CHST9: variants seen among roughly 807,000 people sequenced by gnomAD.
CHST9 encodes carbohydrate sulfotransferase 9, also known as GalNAc-4-sulfotransferase 2.
A neutral mutation model predicts 44.4 loss-of-function variants in CHST9; 41 were observed. The ratio of observed to expected loss-of-function variants is 0.92; its 90% CI spans 0.72 to 1.20. The LOEUF is 1.20. Ranked by LOEUF, CHST9 falls within the 50% of genes most tolerant of loss-of-function variation. CHST9 has a pLI of 0.00. For synonymous variants in CHST9, 171 were observed against 178.4 expected, an observed-to-expected ratio of 0.96 and a Z score of 0.33; for missense variants, 504 against 516.5, an observed-to-expected ratio of 0.98 and a Z score of 0.23.
chr18:26,992,620 CT>C (rs796715944), intron 4 of CHST9, among the ~76,000 whole-genome samples: 319 of 142,598 alleles, frequency 2.2e-3, no homozygotes, highest in East Asian at 4.5e-3. Context: ...GAAATTCTTT[CT>C]TTTTTTTTTT....
At position 26,917,211 on chromosome 18, in the gene CHST9, G is replaced by A. The variant is rs1456370012; in HGVS notation, c.380C>T (p.Ser127Leu). ...TTTTTCAATCAACTTCTCTGTTGGT[G>A]ACCCTGTGGACTTACTTAAAGCTTG... is the stretch of plus-strand genomic sequence containing the variant. ...GDQALSKSTG[S>L]PTEKLIEKRQ... The change falls in exon 6 of 6, where the codon TCA (serine) becomes TTA (leucine). Residue 127 changes from serine (S) to leucine (L), a missense_variant. Transcript: ENST00000618847. 6.2e-7 allele frequency: 1 copy of A among 1,613,864 alleles called. No individual in the cohort carries two copies.
chr18:27,067,722 T>C (rs1568158848), intron 2 of CHST9, among the ~76,000 whole-genome samples: 1 of 152,100 alleles, frequency 6.6e-6, no homozygotes, highest in Non-Finnish European at 1.5e-5. Context: ...TTAAACCTAA[T>C]ATATTGAGAT....
Position 27,107,179 on chromosome 18 carries a change from A to T in CHST9, c.121+35510T>A, listed in dbSNP as rs115880415. Among the ~76,000 whole-genome samples the T allele has an allele frequency of 6.1e-3, 934 of 152,332 alleles. 12 individuals are homozygous for T. Among genetic ancestry groups the T allele is most frequent in the African/African-American group, 0.021 (882 of 41,576 alleles). On this transcript the variant is annotated intron_variant, in intron 2 of 5. Coordinates refer to ENST00000618847, the MANE Select transcript of CHST9 (RefSeq NM_031422.6). ...AAAGGTAAATAGTGACTATACGTCA[A>T]ATTGTTATTAAATACTCACCTATAG...
intron 2 of CHST9, among the ~76,000 whole-genome samples, chr18:27,071,325 G>A (rs1190840179): frequency 6.6e-6 from 1 of 152,104 alleles, no homozygotes; most frequent in South Asian, 2.1e-4. Flanking sequence ...TTGTTATAAA[G>A]GTTTCCTTGG....
At chr18:26,937,956 C>T (rs2056023308) in intron 5 of CHST9, among the ~76,000 whole-genome samples, 1 of 152,158 alleles carries the variant, frequency 6.6e-6, no homozygotes, top group Non-Finnish European at 1.5e-5. Flanking sequence ...TGTAACAAAA[C>T]ATGAGATATG....
At chr18:27,155,940 T>A (rs1049226305) in intron 1 of CHST9, among the ~76,000 whole-genome samples, 7 of 152,066 alleles carry the variant, frequency 4.6e-5, no homozygotes, top group African/African-American at 1.7e-4. Flanking sequence ...TGGGGGATTC[T>A]TTTAGCTCAC....
At chr18:27,136,129 T>C (rs1490640822) in intron 2 of CHST9, among the ~76,000 whole-genome samples, 2 of 152,244 alleles carry the variant, frequency 1.3e-5, no homozygotes, top group Non-Finnish European at 2.9e-5. Context: ...GATGCTGATG[T>C]ACATTGAAGT....
chr18:27,176,371 T>C (rs754002402), intron 1 of CHST9, among the ~76,000 whole-genome samples: 1 of 152,032 alleles, frequency 6.6e-6, no homozygotes, highest in Non-Finnish European at 1.5e-5. Flanking sequence ...CATTGTTGTT[T>C]TTCTACACAA....
Position 26,916,838 on chromosome 18 carries a change from G to A in CHST9, c.753C>T (p.Tyr251=), listed in dbSNP as rs755784547. The A allele has an allele frequency of 8.7e-6, 14 of 1,613,728 alleles. No homozygotes were observed. The highest frequency in any genetic ancestry group is 2.2e-5 in the East Asian group (1 of 44,886). Residue 251 remains tyrosine, a synonymous_variant, in exon 6 of 6, where the codon TAC becomes TAT. Transcript: ENST00000618847. ...AYNISHNAVH[Y]GKHLKKLDSF... ...TATCTAGCTTCTTCAAATGCTTCCC[G>A]TAGTGGACAGCATTGTGGGAGATGT...
At chr18:27,013,912 G>C (rs1235848219) in intron 4 of CHST9, among the ~76,000 whole-genome samples, 4 of 152,088 alleles carry the variant, frequency 2.6e-5, no homozygotes, top group African/African-American at 9.7e-5. Flanking sequence ...TGTAAAAGTA[G>C]GTTGGGCACA....
intron 4 of CHST9, among the ~76,000 whole-genome samples, chr18:26,973,529 C>T (rs916316973): frequency 3.9e-5 from 6 of 152,316 alleles, no homozygotes; most frequent in East Asian, 3.9e-4. Flanking sequence ...CCCAGAATGG[C>T]GTTGAATGTG....
chr18:27,161,127 C>T (rs1320397182), intron 1 of CHST9, among the ~76,000 whole-genome samples: 2 of 151,992 alleles, frequency 1.3e-5, no homozygotes, highest in South Asian at 2.1e-4. Context: ...CTGCTCTGAT[C>T]TTAGTTATTT....
chr18:27,143,440 G>T (rs1384974375), intron 1 of CHST9, among the ~76,000 whole-genome samples: 2 of 151,926 alleles, frequency 1.3e-5, no homozygotes, highest in Admixed American at 6.6e-5. Context: ...AAAGGTCAGG[G>T]TTCAAGGACC....
intron 4 of CHST9, among the ~76,000 whole-genome samples, chr18:27,007,092 A>G (rs774084822): frequency 6.6e-6 from 1 of 152,198 alleles, no homozygotes; most frequent in Admixed American, 6.5e-5. Context: ...CAAAGTCTCC[A>G]TGGTGGAGAA....
Position 27,094,417 on chromosome 18 carries a change from A to G in CHST9, c.122-45914T>C, listed in dbSNP as rs2058097452. Among the ~76,000 whole-genome samples the G allele has an allele frequency of 2.0e-5, 3 of 152,352 alleles. No homozygotes were observed. In the South Asian group the frequency reaches 6.2e-4, roughly 32 times the overall value. ...AATAAATATTAACATCAGAAAATGT[A>G]AAAAGCCTTTCTGTCAGGTGATAAC... On this transcript the variant is annotated intron_variant, in intron 2 of 5. Coordinates refer to ENST00000618847, the MANE Select transcript of CHST9 (RefSeq NM_031422.6).
At chr18:26,970,484 A>T (rs1236591042) in intron 4 of CHST9, among the ~76,000 whole-genome samples, 1 of 152,170 alleles carries the variant, frequency 6.6e-6, no homozygotes, top group African/African-American at 2.4e-5. Flanking sequence ...GCTAGAGTGC[A>T]GTGGCACAGT....
At chr18:27,039,960 G>A (rs968060067) in intron 3 of CHST9, among the ~76,000 whole-genome samples, 2 of 152,136 alleles carry the variant, frequency 1.3e-5, no homozygotes, top group Non-Finnish European at 2.9e-5. Flanking sequence ...CTGGATATCA[G>A]TGAAACAGAG....
intron 2 of CHST9, among the ~76,000 whole-genome samples, chr18:27,077,228 C>G (rs182426649): frequency 1.8e-4 from 27 of 152,114 alleles, no homozygotes; most frequent in Admixed American, 6.5e-4. Flanking sequence ...TAGAAGAAAA[C>G]AATTATAATT....
chr18:26,996,486 A>T (rs1348033550), intron 4 of CHST9, among the ~76,000 whole-genome samples: 1 of 152,088 alleles, frequency 6.6e-6, no homozygotes, highest in East Asian at 1.9e-4. Context: ...TACATGCAGG[A>T]TATGAGGGAG....
Sources: allele counts gnomAD v4.1 joint callset (sites outside exome capture counted in the v4.1 genomes callset), GRCh38; gene constraint gnomAD v4.1.1; transcripts MANE v1.5; gene names NCBI Gene and HGNC (gene_info 2026-07-23, HGNC 2026-07-21).